Variants in NCAPD3 observed in about 807,000 individuals in gnomAD.
NCAPD3 encodes the protein non-SMC condensin II complex subunit D3.
A neutral mutation model predicts 182.9 loss-of-function variants in NCAPD3; 105 were observed. That is an observed-to-expected ratio of 0.57 (90% confidence interval 0.49 to 0.68). NCAPD3 has a LOEUF of 0.68. Among genes scored for constraint, NCAPD3 ranks in the 30% least tolerant of loss-of-function variants. NCAPD3 has a pLI of 0.00. For synonymous variants in NCAPD3, 815 were observed against 679.9 expected, an observed-to-expected ratio of 1.20 and a Z score of -3.09; for missense variants, 1,944 against 1,837.0, an observed-to-expected ratio of 1.06 and a Z score of -1.07.
In NCAPD3 at chr11:134,209,444, T is replaced by C; in HGVS notation, c.601A>G (p.Asn201Asp). 5 of 1,612,696 alleles carry C rather than the reference T, an allele frequency of 3.1e-6. No individual in the cohort carries two copies. The highest frequency in any genetic ancestry group is 4.2e-6 in the Non-Finnish European group (5 of 1,179,566). The change falls in exon 5 of 35, where the codon AAT becomes GAT. Residue 201 changes from asparagine (N) to aspartate (D), a missense_variant. This residue lies in a region of NCAPD3 where 1,803 missense variants were observed against 1,674.6 expected (regional missense o/e 1.08). Coordinates refer to ENST00000534548, the MANE Select transcript of NCAPD3 (RefSeq NM_015261.3). ...DEIIEEQEDE[N>D]ICFSARDLSQ... is the part of the protein sequence containing the mutation. ...AGGTCCCGGGCAGAAAAACAAATATTCTCATCTTCTTGTTCTTCTATAATT... is the reference window on the plus strand; with the variant it reads ...AGGTCCCGGGCAGAAAAACAAATATCCTCATCTTCTTGTTCTTCTATAATT...
intron 3 of NCAPD3, among the ~76,000 whole-genome samples, chr11:134,212,375 T>TTGTGTGTGTGTGTGTGTGTGTGTG (rs56807520): frequency 1.9e-4 from 27 of 143,274 alleles, no homozygotes; most frequent in South Asian, 9.1e-4. Flanking sequence ...TTTTGTTGTT[T>TTGTGTGTGTGTGTGTGTGTGTGTG]TGTGTGTGTG....
intron 3 of NCAPD3, among the ~76,000 whole-genome samples, chr11:134,214,919 T>C (rs1198622542): frequency 6.6e-6 from 1 of 151,784 alleles, no homozygotes; most frequent in Non-Finnish European, 1.5e-5. Context: ...GACAAAAATA[T>C]CTCAAAAAAA....
intron 7 of NCAPD3, among the ~76,000 whole-genome samples, chr11:134,207,687 T>C (rs913008921): frequency 1.5e-5 from 2 of 132,134 alleles, no homozygotes; most frequent in Admixed American, 9.6e-5. Context: ...GAGGTTGCAG[T>C]GAGCCGAGAT....
Position 134,204,704 on chromosome 11 carries a change from G to C in NCAPD3, c.1089+195C>G, listed in dbSNP as rs1944814427. ...ATGTTCAACATTTTTCCAAAACAAA[G>C]TTTTTTTGTTTTTTTGTTTTTTATA... On this transcript the variant is annotated intron_variant, in intron 9 of 34. Transcript: ENST00000534548. This position sits in a 1 kb window ranked among gnomAD's most constrained non-coding sequence, Gnocchi z 4.3. 6.6e-6 allele frequency among the ~76,000 whole-genome samples: 1 copy of C among 151,760 alleles called. No individual in the cohort carries two copies. Among genetic ancestry groups the C allele is most frequent in the African/African-American group, 2.4e-5 (1 of 41,368 alleles).
At chr11:134,212,646 C>T (rs191071832) in intron 3 of NCAPD3, among the ~76,000 whole-genome samples, 1 of 152,268 alleles carries the variant, frequency 6.6e-6, no homozygotes, top group Non-Finnish European at 1.5e-5. Context: ...CCGGCAGCAG[C>T]CTCCCAAAGT....
At chr11:134,215,803 T>C (rs1231687026) in intron 3 of NCAPD3, among the ~76,000 whole-genome samples, 1 of 152,146 alleles carries the variant, frequency 6.6e-6, no homozygotes, top group African/African-American at 2.4e-5. Flanking sequence ...GTACAGATCC[T>C]AAAATTCACA....
At chr11:134,169,936 A>T (rs1943965948) in intron 24 of NCAPD3, among the ~76,000 whole-genome samples, 1 of 152,238 alleles carries the variant, frequency 6.6e-6, no homozygotes, top group Non-Finnish European at 1.5e-5. Flanking sequence ...CAGGAGCACC[A>T]GTCAGCTCTC....
chr11:134,200,617 C>T (rs1266015364), intron 13 of NCAPD3, among the ~76,000 whole-genome samples: 1 of 152,146 alleles, frequency 6.6e-6, no homozygotes, highest in Admixed American at 6.5e-5. Context: ...GATTATCATA[C>T]GTTGCTAGCA....
chr11:134,198,084 G>A (rs575840069), intron 13 of NCAPD3, among the ~76,000 whole-genome samples: 1 of 152,240 alleles, frequency 6.6e-6, no homozygotes, highest in East Asian at 1.9e-4. Flanking sequence ...CCTCAGCCAG[G>A]GCACTCTAAA....
In NCAPD3 at chr11:134,184,810, T is replaced by TATAC. The variant is rs752997177; in HGVS notation, c.2336-59_2336-58insGTAT. ...CTGCTTAAATATATTCAGGTATATATACACACACACACACACACACACACA... is the reference window on the plus strand; with the variant it reads ...CTGCTTAAATATATTCAGGTATATATATACACACACACACACACACACACACACA... On this transcript the variant is annotated intron_variant, in intron 18 of 34. Transcript: ENST00000534548. 537 of 1,009,790 alleles carry TATAC rather than the reference T, an allele frequency of 5.3e-4. 1 individual carries two copies. Among genetic ancestry groups the TATAC allele is most frequent in the Admixed American group, 3.2e-3 (170 of 53,868 alleles). The allele number at this position is 1,009,790 out of a possible 1,614,324, so 62.6% of individuals were successfully genotyped here.
chr11:134,155,775 G>C (rs895653829), intron 32 of NCAPD3, among the ~76,000 whole-genome samples: 1 of 149,562 alleles, frequency 6.7e-6, no homozygotes, highest in South Asian at 2.1e-4. Flanking sequence ...CTAACACACA[G>C]AACATCGCAC....
intron 25 of NCAPD3, 37 bp from the exon 26 acceptor site, chr11:134,168,639 G>C (rs577233061): frequency 6.2e-7 from 1 of 1,612,852 alleles, no homozygotes; most frequent in South Asian, 1.1e-5. Flanking sequence ...GCATCACATG[G>C]GCACGGGTGT....
chr11:134,223,141 G>A, intron 1 of NCAPD3: 1 of 422,704 alleles, frequency 2.4e-6, no homozygotes, highest in Non-Finnish European at 4.3e-6. Flanking sequence ...GAAACAAAGG[G>A]GAAACATTAA....
At chr11:134,189,415 T>G (rs536688997) in intron 16 of NCAPD3, among the ~76,000 whole-genome samples, 5 of 152,224 alleles carry the variant, frequency 3.3e-5, no homozygotes, top group Admixed American at 6.5e-5. Context: ...AATACACATT[T>G]AACGTTACAC....
At chr11:134,223,360 G>A in intron 1 of NCAPD3, 2 of 694,480 alleles carry the variant, frequency 2.9e-6, no homozygotes, top group Non-Finnish European at 5.3e-6. Context: ...GCATGAAAGG[G>A]GAAGCAGAAA....
At position 134,198,802 on chromosome 11, in the gene NCAPD3, G is replaced by C. The variant is rs183768829; in HGVS notation, c.1615+4014C>G. 4.2e-3 allele frequency among the ~76,000 whole-genome samples: 637 copies of C among 152,194 alleles called. 4 individuals are homozygous for C. Among genetic ancestry groups the C allele is most frequent in the African/African-American group, 0.015 (610 of 41,502 alleles). On this transcript the variant is annotated intron_variant, in intron 13 of 34. Transcript: ENST00000534548. The stretch of plus-strand genomic sequence containing the variant: ...TATCAAAAATAATTTGTAAAAACTA[G>C]CAATGAACAATTCAGAAATGAAATT...
At chr11:134,157,816 A>T in intron 31 of NCAPD3, 112 bp downstream of exon 31, 1 of 1,195,010 alleles carries the variant, frequency 8.4e-7, no homozygotes, top group Non-Finnish European at 1.2e-6. Context: ...AATTAACGTT[A>T]TTTGTTTTAA....
intron 10 of NCAPD3, 57 bp downstream of exon 10, chr11:134,203,989 A>G: frequency 1.3e-6 from 2 of 1,598,028 alleles, no homozygotes; most frequent in Non-Finnish European, 1.7e-6. Flanking sequence ...AGAAAAAGAG[A>G]CCCTTTTAAA....
rs898737119 is a variant in NCAPD3, at chr11:134,168,693, T to G, written c.3240-91A>C. The G allele has an allele frequency of 2.6e-6, 4 of 1,545,636 alleles. No individual in the cohort carries two copies. The African/African-American group carries it at 5.4e-5, about 21-fold the overall frequency. On this transcript the variant is annotated intron_variant, in intron 25 of 34. Coordinates refer to ENST00000534548, the MANE Select transcript of NCAPD3 (RefSeq NM_015261.3). ...CTTTAACTGCATCCTAAAAGCTGCA[T>G]GCCAAAGACTCCAGTGCACTACAGA...
Sources: allele counts gnomAD v4.1 joint callset (sites outside exome capture counted in the v4.1 genomes callset), GRCh38; gene constraint gnomAD v4.1.1; regional missense constraint gnomAD v4.1.1; non-coding constraint Gnocchi (gnomAD v3.1); transcripts MANE v1.5; gene names NCBI Gene and HGNC (gene_info 2026-07-23, HGNC 2026-07-21).